AGBL4: variants seen among roughly 807,000 people sequenced by gnomAD.
AGBL4 encodes the protein cytosolic carboxypeptidase 6.
In AGBL4, 58 loss-of-function variants were observed where a neutral mutation model predicts 66.4. That is an observed-to-expected ratio of 0.87 (90% CI 0.71 to 1.09). AGBL4 has a LOEUF of 1.09. AGBL4 is among the 50% of genes least tolerant of loss of function. The pLI, the probability that AGBL4 is intolerant of heterozygous loss-of-function variation, is 0.00. For missense variants in AGBL4, 579 were observed against 631.0 expected, an observed-to-expected ratio of 0.92 and a Z score of 0.88; for synonymous variants, 234 against 222.9, an observed-to-expected ratio of 1.05 and a Z score of -0.44.
chr1:48,721,842 G>T (rs534729545), intron 6 of AGBL4, among the ~76,000 whole-genome samples: 1 of 152,252 alleles, frequency 6.6e-6, no homozygotes, highest in Non-Finnish European at 1.5e-5. Context: ...CCTGGATTGG[G>T]CCCCAGTCTC....
At chr1:48,913,686 A>G (rs1465459555) in intron 5 of AGBL4, among the ~76,000 whole-genome samples, 1 of 152,206 alleles carries the variant, frequency 6.6e-6, no homozygotes, top group Non-Finnish European at 1.5e-5. Context: ...TATTATGGTA[A>G]GTTGTATACT....
intron 3 of AGBL4, among the ~76,000 whole-genome samples, chr1:49,275,794 A>G (rs1455442724): frequency 2.0e-5 from 3 of 152,162 alleles, no homozygotes; most frequent in Non-Finnish European, 4.4e-5. Flanking sequence ...CTCAATTAAA[A>G]TCACTAAAAA....
chr1:48,894,054 G>A lies in AGBL4; in HGVS notation c.595-26824C>T, dbSNP rs142527383. Among the ~76,000 whole-genome samples, 71 of 152,260 alleles carry A rather than the reference G, an allele frequency of 4.7e-4. 1 individual carries two copies. In the South Asian group the frequency reaches 9.7e-3, roughly 21 times the overall value. On this transcript the variant is annotated intron_variant, in intron 5 of 13. Transcript: ENST00000371839. ...AATGTTGGCCAACATCAGGAGGCTG[G>A]TTTGAGGAAAAAATACTTCCGTAGC... is the stretch of plus-strand genomic sequence containing the variant.
intron 3 of AGBL4, among the ~76,000 whole-genome samples, chr1:49,457,042 C>A (rs569270048): frequency 2.6e-5 from 4 of 151,840 alleles, no homozygotes; most frequent in African/African-American, 9.6e-5. Context: ...CATGCATGTG[C>A]AAGTATCATT....
chr1:49,438,024 GA>G (rs1475335707), intron 3 of AGBL4, among the ~76,000 whole-genome samples: 1 of 152,096 alleles, frequency 6.6e-6, no homozygotes, highest in Non-Finnish European at 1.5e-5. Context: ...AACAGATACA[GA>G]AAGGCTAAAC....
chr1:49,369,818 TAGAG>T (rs1270907510), intron 3 of AGBL4, among the ~76,000 whole-genome samples: 1 of 152,064 alleles, frequency 6.6e-6, no homozygotes, highest in South Asian at 2.1e-4. Context: ...TATGTCAACT[TAGAG>T]AGTGCTTATG....
chr1:48,679,861 C>A (rs946682735), intron 6 of AGBL4, among the ~76,000 whole-genome samples: 1 of 152,212 alleles, frequency 6.6e-6, no homozygotes, highest in Non-Finnish European at 1.5e-5. Context: ...ATAAGCCCAC[C>A]CTGATCTCTG....
chr1:48,686,671 G>A (rs1382427114), intron 6 of AGBL4, among the ~76,000 whole-genome samples: 1 of 152,166 alleles, frequency 6.6e-6, no homozygotes, highest in African/African-American at 2.4e-5. Flanking sequence ...TGTGACACAC[G>A]GTGGGGACTT....
intron 2 of AGBL4, among the ~76,000 whole-genome samples, chr1:49,778,547 C>G (rs2147899016): frequency 6.6e-6 from 1 of 152,192 alleles, no homozygotes; most frequent in Non-Finnish European, 1.5e-5. Flanking sequence ...TTAAGAGCTC[C>G]AGGGTACTAG....
chr1:49,966,861 G>A (rs1277123446), intron 1 of AGBL4, among the ~76,000 whole-genome samples: 2 of 152,040 alleles, frequency 1.3e-5, no homozygotes, highest in Non-Finnish European at 2.9e-5. Context: ...ACAACTTTAC[G>A]ATTCTTGATA....
chr1:48,892,046 G>C (rs1282438685), intron 5 of AGBL4, among the ~76,000 whole-genome samples: 1 of 138,146 alleles, frequency 7.2e-6, no homozygotes, highest in Non-Finnish European at 1.7e-5. Context: ...CTAGAGTCTA[G>C]AAGTCTAAAA....
chr1:49,545,712 A>G (rs973706125), intron 3 of AGBL4, among the ~76,000 whole-genome samples: 4 of 152,210 alleles, frequency 2.6e-5, no homozygotes, highest in Admixed American at 2.6e-4. Flanking sequence ...TTCTTGGCAC[A>G]CAATAAACAT....
At chr1:49,261,650 A>G (rs1487489046) in intron 3 of AGBL4, among the ~76,000 whole-genome samples, 1 of 152,110 alleles carries the variant, frequency 6.6e-6, no homozygotes, top group Non-Finnish European at 1.5e-5. Flanking sequence ...CTGCTTAATG[A>G]AATAAAAGAG....
chr1:49,784,999 T>C (rs950322778), intron 2 of AGBL4, among the ~76,000 whole-genome samples: 8 of 152,076 alleles, frequency 5.3e-5, no homozygotes, highest in African/African-American at 1.9e-4. Context: ...TAATTAAACC[T>C]AACATGCAGA....
Position 49,443,619 on chromosome 1 carries a change from C to T in AGBL4, c.283-197755G>A, listed in dbSNP as rs570006104. Among the ~76,000 whole-genome samples the T allele has an allele frequency of 2.6e-5, 4 of 151,894 alleles. No individual in the cohort carries two copies. The South Asian group carries it at 8.3e-4, about 32-fold the overall frequency. On this transcript the variant is annotated intron_variant, in intron 3 of 13. Transcript: ENST00000371839. ...GAGTTTTCAATTCTGTTCCATTGATCTATGTGCCTATTTTTATACTAATAC... is the reference window on the plus strand; with the variant it reads ...GAGTTTTCAATTCTGTTCCATTGATTTATGTGCCTATTTTTATACTAATAC...
At chr1:48,859,485 T>C (rs1647302336) in intron 6 of AGBL4, among the ~76,000 whole-genome samples, 1 of 152,174 alleles carries the variant, frequency 6.6e-6, no homozygotes, top group African/African-American at 2.4e-5. Flanking sequence ...TTTTCCTGTC[T>C]CACTTCCTCA....
intron 1 of AGBL4, among the ~76,000 whole-genome samples, chr1:49,894,180 C>T (rs1364318208): frequency 6.6e-6 from 1 of 152,150 alleles, no homozygotes; most frequent in East Asian, 1.9e-4. Flanking sequence ...GGAGTGCCTC[C>T]TAATGCAGAC....
intron 1 of AGBL4, among the ~76,000 whole-genome samples, chr1:50,010,747 G>C (rs1471470014): frequency 6.6e-6 from 1 of 152,168 alleles, no homozygotes; most frequent in Admixed American, 6.5e-5. Context: ...AATGGTGCTA[G>C]GAAAACTGAA....
chr1:49,186,968 A>G (rs1383758952), intron 4 of AGBL4, among the ~76,000 whole-genome samples: 1 of 152,200 alleles, frequency 6.6e-6, no homozygotes, highest in Non-Finnish European at 1.5e-5. Context: ...TGAAGTGAAT[A>G]TAAAAATTCT....
Sources: gnomAD v4.1 joint callset for allele counts (sites outside exome capture counted in the v4.1 genomes callset) on GRCh38, gnomAD v4.1.1 for gene constraint, MANE v1.5 for transcripts, NCBI Gene and HGNC (gene_info 2026-07-23, HGNC 2026-07-21) for gene names.